The following PFKFB2 variants were observed in gnomAD, a reference collection of about 807,000 sequenced individuals.
PFKFB2 encodes 6-phosphofructo-2-kinase/fructose-2,6-biphosphatase 2.
In PFKFB2, 53 loss-of-function variants were observed where a neutral mutation model predicts 68.0. That is an observed-to-expected ratio of 0.78 (90% CI 0.63 to 0.98). The LOEUF (loss-of-function observed/expected upper bound fraction) is 0.98. PFKFB2 is among the 50% of genes least tolerant of loss of function. PFKFB2 has a pLI of 0.00. For missense variants in PFKFB2, 451 were observed against 642.0 expected (o/e 0.70, Z 3.22); for synonymous variants, 222 against 227.6 (o/e 0.98, Z 0.22).
upstream of PFKFB2, chr1:207,050,887 C>G: frequency 6.2e-7 from 1 of 1,608,926 alleles, no homozygotes; most frequent in Non-Finnish European, 8.5e-7. Flanking sequence ...TGCAGCGGAG[C>G]CGCCACATCG....
At chr1:207,064,883 G>A (rs1005117901) in intron 7 of PFKFB2, among the ~76,000 whole-genome samples, 153 bp from the exon 8 acceptor site, 21 of 152,106 alleles carry the variant, frequency 1.4e-4, no homozygotes, top group Non-Finnish European at 1.9e-4. Context: ...GGGGCGGGGC[G>A]GGGCGGGGGG....
downstream of PFKFB2, chr1:207,078,856 G>T: frequency 1.0e-6 from 1 of 970,126 alleles, no homozygotes; most frequent in South Asian, 1.3e-5. Flanking sequence ...GGGAGGTTGA[G>T]GGAGGAGGGA....
chr1:207,065,249 C>T (rs1252333340), intron 8 of PFKFB2, 89 bp downstream of exon 8: 5 of 1,561,462 alleles, frequency 3.2e-6, no homozygotes, highest in Non-Finnish European at 4.3e-6. Context: ...TAACTTCCTT[C>T]TGATAATCTA....
chr1:207,062,104 A>G (rs202137836), intron 3 of PFKFB2, 26 bp downstream of exon 3: 293 of 1,613,810 alleles, frequency 1.8e-4, no homozygotes, highest in Non-Finnish European at 2.4e-4. Flanking sequence ...TCCCTAGGAA[A>G]GACAATTATT....
At chr1:207,058,202 A>G (rs1682987168) in intron 2 of PFKFB2, among the ~76,000 whole-genome samples, 1 of 152,234 alleles carries the variant, frequency 6.6e-6, no homozygotes, top group Non-Finnish European at 1.5e-5. Context: ...CTGGCAGGAG[A>G]TAATCAGCAG....
At chr1:207,039,897 C>T (rs993940185) in intron 1 of PFKFB2, among the ~76,000 whole-genome samples, 2 of 152,006 alleles carry the variant, frequency 1.3e-5, no homozygotes, top group Non-Finnish European at 2.9e-5. Flanking sequence ...AGACATTTGT[C>T]TGTTCCAAAA....
At chr1:207,055,074 T>C in intron 2 of PFKFB2, 1 of 368,238 alleles carries the variant, frequency 2.7e-6, no homozygotes, top group African/African-American at 2.1e-5. Context: ...GCACACTGGC[T>C]TGCTGATGGA....
intron 2 of PFKFB2, chr1:207,048,114 T>G (rs1489259329): frequency 6.6e-6 from 1 of 152,616 alleles, no homozygotes; most frequent in Non-Finnish European, 1.5e-5. Context: ...GACTCGAATT[T>G]CAAGGAATTT....
intron 1 of PFKFB2, among the ~76,000 whole-genome samples, chr1:207,037,267 C>T (rs1004474300): frequency 6.6e-6 from 1 of 152,200 alleles, no homozygotes. Flanking sequence ...CTCTTGAATT[C>T]CATGACATAA....
Position 207,070,529 on chromosome 1 carries a change from A to G in PFKFB2, c.1222+120A>G. The G allele has an allele frequency of 9.0e-7, 1 of 1,116,366 alleles. No individual in the cohort carries two copies. Among genetic ancestry groups the G allele is most frequent in the South Asian group, 1.5e-5 (1 of 65,412 alleles). 69.2% of individuals were successfully genotyped at this position (1,116,366 alleles called of 1,614,324 possible). ...CCACTCAAATTAGAGTACTTTCTCCAGACAGCAGTGTGGGGCTCCCAGCAG... is the reference window on the plus strand; with the variant it reads ...CCACTCAAATTAGAGTACTTTCTCCGGACAGCAGTGTGGGGCTCCCAGCAG... On this transcript the variant is annotated intron_variant, in intron 12 of 14. Transcript: ENST00000367080. This position sits in a 1 kb window ranked among gnomAD's most constrained non-coding sequence, Gnocchi z 4.2.
intron 2 of PFKFB2, among the ~76,000 whole-genome samples, chr1:207,042,977 T>C (rs1011017468): frequency 6.6e-6 from 1 of 152,062 alleles, no homozygotes; most frequent in African/African-American, 2.4e-5. Flanking sequence ...AGTTGATTAA[T>C]GGTTCATTTA....
intron 1 of PFKFB2, among the ~76,000 whole-genome samples, chr1:207,037,126 C>A (rs1347045677): frequency 1.3e-5 from 2 of 152,226 alleles, no homozygotes; most frequent in Non-Finnish European, 2.9e-5. Context: ...TCCCCTAAAA[C>A]AGCTCATGCT....
At chr1:207,069,651 G>C (rs1683408461) in intron 11 of PFKFB2, 123 bp downstream of exon 11, 1 of 642,506 alleles carries the variant, frequency 1.6e-6, no homozygotes, top group Non-Finnish European at 2.7e-6. Flanking sequence ...CTTCCCTTGG[G>C]TCATTTTGGT....
rs570032866 is a variant in PFKFB2 at position 207,075,098 on chromosome 1, C to T, written c.*2727C>T. ...TGAGAAGAGGGAGCACTTTGATCCA[C>T]AGACTTTGGATTAACACTGTACCCA... On this transcript the variant is annotated 3_prime_UTR_variant, in exon 15 of 15. Coordinates refer to ENST00000367080, the MANE Select transcript of PFKFB2 (RefSeq NM_006212.2). The T allele has an allele frequency of 1.0e-6, 1 of 985,444 alleles. No homozygotes were observed. The highest frequency in any genetic ancestry group is 1.1e-4 in the East Asian group (1 of 8,818). The allele number at this position is 985,444 out of a possible 1,614,324, so 61.0% of individuals were successfully genotyped here.
At chr1:207,046,993 T>C (rs990143221) in intron 2 of PFKFB2, 1 of 152,238 alleles carries the variant, frequency 6.6e-6, no homozygotes, top group Non-Finnish European at 1.5e-5. Context: ...TGAGTAATGA[T>C]GCATAAAGCT....
At chr1:207,079,263 T>A, downstream of PFKFB2, 1 of 571,040 alleles carries the variant, frequency 1.8e-6, no homozygotes, top group Non-Finnish European at 3.1e-6. Flanking sequence ...CCAGTGACTT[T>A]TTGTCATCTC....
intron 2 of PFKFB2, 23 bp downstream of exon 2, chr1:207,054,825 G>C: frequency 4.0e-6 from 6 of 1,493,738 alleles, no homozygotes; most frequent in Non-Finnish European, 4.7e-6. Flanking sequence ...AGAGAGGAGG[G>C]ACTGCTCTCT....
At position 207,074,886 on chromosome 1, in the gene PFKFB2, C is replaced by T; in HGVS notation, c.*2515C>T. 1.0e-6 allele frequency: 1 copy of T among 985,448 alleles called. No individual in the cohort carries two copies. Among genetic ancestry groups the T allele is most frequent in the Non-Finnish European group, 1.2e-6 (1 of 829,958 alleles). The allele number at this position is 985,448 out of a possible 1,614,324, so 61.0% of individuals were successfully genotyped here. A position where few individuals can be genotyped will look rare whatever the true frequency, so the allele number is the denominator to read the frequency against. ...CTGTTGTCCTATGGCTATGAGACTA[C>T]AGGGGTTGGGGGATGGGGATGCCCC... On this transcript the variant is annotated 3_prime_UTR_variant, in exon 15 of 15. Transcript: ENST00000367080.
chr1:207,062,524 C>T lies in PFKFB2; in HGVS notation c.212-96C>T, dbSNP rs569052405. 1.4e-4 allele frequency: 212 copies of T among 1,519,162 alleles called. No homozygotes were observed. The South Asian group carries it at 2.5e-3, about 18-fold the overall frequency. 94.1% of individuals were successfully genotyped at this position (1,519,162 alleles called of 1,614,324 possible). ...CCTACCATGCTGCCGCTTTTTTCAT[C>T]CCCTTGGTCACTCCGACATTAGGCC... On this transcript the variant is annotated intron_variant, in intron 3 of 14. Coordinates refer to ENST00000367080, the MANE Select transcript of PFKFB2 (RefSeq NM_006212.2).
Sources: gnomAD v4.1 joint callset for allele counts (sites outside exome capture counted in the v4.1 genomes callset) on GRCh38, gnomAD v4.1.1 for gene constraint, Gnocchi (gnomAD v3.1) non-coding constraint, MANE v1.5 for transcripts, NCBI Gene and HGNC (gene_info 2026-07-23, HGNC 2026-07-21) for gene names.